ACYP2: variants seen among roughly 807,000 people sequenced by gnomAD.
The protein encoded by ACYP2 is acylphosphatase 2.
ACYP2 carries 12 observed loss-of-function variants against 11.2 expected under a neutral mutation model. The ratio of observed to expected loss-of-function variants is 1.08; its 90% CI spans 0.69 to 1.74. ACYP2 has a LOEUF of 1.74. Among genes scored for constraint, ACYP2 ranks in the 40% most tolerant of loss-of-function variants. ACYP2 has a pLI of 0.00. For missense variants in ACYP2, 134 were observed against 101.9 expected, an observed-to-expected ratio of 1.31 and a Z score of -1.35; for synonymous variants, 43 against 32.2, an observed-to-expected ratio of 1.33 and a Z score of -1.13.
chr2:54,115,687 C>T (rs1185486732), intron 4 of ACYP2: 1 of 1,609,978 alleles, frequency 6.2e-7, no homozygotes, highest in South Asian at 1.1e-5. Context: ...CAACAGAGGG[C>T]TCGCCGCCGC....
At chr2:54,254,830 T>C (rs1687415159) in intron 6 of ACYP2, 1 of 1,323,786 alleles carries the variant, frequency 7.6e-7, no homozygotes, top group East Asian at 2.3e-5. Context: ...ACAAAAAAAG[T>C]AAAGGGCATA....
chr2:53,986,758 G>A (rs941020113), intron 2 of ACYP2, among the ~76,000 whole-genome samples: 8 of 151,772 alleles, frequency 5.3e-5, no homozygotes, highest in African/African-American at 1.9e-4. Context: ...CTGAGTAGCT[G>A]GGATCACAGA....
chr2:54,267,185 A>T (rs894339078), intron 6 of ACYP2: 2 of 1,114,318 alleles, frequency 1.8e-6, no homozygotes, highest in Non-Finnish European at 2.5e-6. Context: ...GTATTTTTTC[A>T]TCAAGAAAAT....
chr2:53,971,135 C>G lies in ACYP2; in HGVS notation c.-223C>G, dbSNP rs111363964. On this transcript the variant is annotated 5_prime_UTR_variant, in exon 1 of 7. Coordinates refer to ENST00000607452, the MANE Select transcript of ACYP2 (RefSeq NM_001320586.2). ...GGTGGTGGCGGCAGCTGGAGCCCAA[C>G]GGGCTGCGCCTTCTTCGCCGTGGGC... The G allele has an allele frequency of 0.082, 18,037 of 220,050 alleles. 1,102 individuals are homozygous for G. The highest frequency in any genetic ancestry group is 0.18 in the African/African-American group (8,034 of 43,718). 13.6% of individuals were successfully genotyped at this position (220,050 alleles called of 1,614,324 possible).
At chr2:54,268,980 C>G (rs1688162453) in intron 6 of ACYP2, among the ~76,000 whole-genome samples, 1 of 152,150 alleles carries the variant, frequency 6.6e-6, no homozygotes, top group Non-Finnish European at 1.5e-5. Context: ...CATAATTACC[C>G]AATGAAGTTT....
intron 4 of ACYP2, 140 bp downstream of exon 1, chr2:54,115,896 G>C: frequency 8.5e-7 from 1 of 1,172,334 alleles, no homozygotes. Flanking sequence ...AGCAGCGGCG[G>C]CGGGGAGGGA....
Position 54,255,691 on chromosome 2 carries a change from T to A in ACYP2, c.405-48997T>A, listed in dbSNP as rs375133201. ...CACTGGGGCTGAGAACATGGCACAC[T>A]CCTCAGGCTTCACGTCCTCGGCCTT... On this transcript the variant is annotated intron_variant, in intron 6 of 6. Coordinates refer to ENST00000607452, the MANE Select transcript of ACYP2 (RefSeq NM_001320586.2). The A allele has an allele frequency of 4.3e-6, 7 of 1,613,748 alleles. No homozygotes were observed. Among genetic ancestry groups the A allele is most frequent in the Middle Eastern group, 3.3e-4 (2 of 6,084 alleles).
At chr2:54,183,598 A>T (rs1330350425) in intron 6 of ACYP2, among the ~76,000 whole-genome samples, 1 of 152,154 alleles carries the variant, frequency 6.6e-6, no homozygotes, top group African/African-American at 2.4e-5. Flanking sequence ...CAAATATTTT[A>T]AAAATGTAAT....
chr2:53,996,080 G>A (rs537455081), intron 2 of ACYP2, among the ~76,000 whole-genome samples: 1 of 151,980 alleles, frequency 6.6e-6, no homozygotes, highest in African/African-American at 2.4e-5. Context: ...ATGGCAGTCA[G>A]CCTAGATTGT....
intron 6 of ACYP2, among the ~76,000 whole-genome samples, chr2:54,260,479 T>A (rs1201469411): frequency 6.6e-6 from 1 of 151,996 alleles, no homozygotes; most frequent in East Asian, 1.9e-4. Flanking sequence ...ATAAGCAGAG[T>A]TGGATTTAGA....
At chr2:54,110,364 G>A (rs1395961099) in intron 4 of ACYP2, among the ~76,000 whole-genome samples, 3 of 152,106 alleles carry the variant, frequency 2.0e-5, no homozygotes, top group South Asian at 2.1e-4. Flanking sequence ...CCACGATGCC[G>A]TTATCACAGT....
At chr2:54,243,857 G>A (rs1475658447) in intron 6 of ACYP2, among the ~76,000 whole-genome samples, 2 of 151,884 alleles carry the variant, frequency 1.3e-5, no homozygotes, top group East Asian at 1.9e-4. Context: ...TTACTGGCAG[G>A]CCCATAGTCC....
At chr2:54,068,255 G>T (rs921287240) in intron 4 of ACYP2, among the ~76,000 whole-genome samples, 1 of 152,108 alleles carries the variant, frequency 6.6e-6, no homozygotes, top group African/African-American at 2.4e-5. Flanking sequence ...TTTGTTGTAC[G>T]CACTCTTTAG....
rs141374572 is a variant in ACYP2, at chr2:54,226,967, A to C, written c.405-77721A>C. On this transcript the variant is annotated intron_variant, in intron 6 of 6. Transcript: ENST00000607452. ...AAATTTTAATCAACACATTTGGCTT[A>C]TATGATGAAAAACTGCCTGAGGCTA... Among the ~76,000 whole-genome samples the C allele has an allele frequency of 2.2e-4, 33 of 152,320 alleles. No homozygotes were observed. The East Asian group carries it at 6.4e-3, about 29-fold the overall frequency.
chr2:53,989,981 C>CTTT (rs112395166), intron 2 of ACYP2, among the ~76,000 whole-genome samples: 1 of 143,184 alleles, frequency 7.0e-6, no homozygotes, highest in Non-Finnish European at 1.5e-5. Context: ...CTTTTCTTTT[C>CTTT]TTTTTTTTTT....
At chr2:54,225,034 T>C (rs1685954521) in intron 6 of ACYP2, among the ~76,000 whole-genome samples, 1 of 152,184 alleles carries the variant, frequency 6.6e-6, no homozygotes, top group Non-Finnish European at 1.5e-5. Flanking sequence ...AGGAAAGGAT[T>C]ACCATTCTGG....
At chr2:53,992,304 T>C (rs951074544) in intron 2 of ACYP2, among the ~76,000 whole-genome samples, 5 of 152,134 alleles carry the variant, frequency 3.3e-5, no homozygotes, top group Non-Finnish European at 7.3e-5. Context: ...CACTTAAATT[T>C]ACTCTAAGTG....
chr2:54,076,466 C>T, intron 4 of ACYP2, among the ~76,000 whole-genome samples: 1 of 152,114 alleles, frequency 6.6e-6, no homozygotes, highest in East Asian at 1.9e-4. Context: ...AAAGGACTGG[C>T]AGCTAGGCTT....
intron 6 of ACYP2, among the ~76,000 whole-genome samples, chr2:54,177,900 TC>T (rs1558590292): frequency 9.0e-5 from 8 of 89,302 alleles, no homozygotes; most frequent in African/African-American, 5.2e-4. Context: ...TTTCTTTCTT[TC>T]TTTATTTTTT....
Sources: allele counts gnomAD v4.1 joint callset (sites outside exome capture counted in the v4.1 genomes callset), GRCh38; gene constraint gnomAD v4.1.1; transcripts MANE v1.5; gene names NCBI Gene and HGNC (gene_info 2026-07-23, HGNC 2026-07-21).